ATOSA: variants seen among roughly 807,000 people sequenced by gnomAD.
ATOSA encodes the protein atos homolog protein A.
the ATOSA span, chr15:52,657,426 T>C: frequency 6.6e-6 from 1 of 152,260 alleles, no homozygotes. Context: ...TATTTGAAAC[T>C]ATTTCACATT....
the ATOSA span, chr15:52,651,915 C>T: frequency 1.3e-6 from 2 of 1,535,452 alleles, no homozygotes; most frequent in South Asian, 2.4e-5. Flanking sequence ...ATACTGGAAT[C>T]CTTGTATAAA....
chr15:52,613,586 CAATTAT>C, the ATOSA span: 1 of 1,348,380 alleles, frequency 7.4e-7, no homozygotes, highest in Non-Finnish European at 1.0e-6. Context: ...TGAAATATGA[CAATTAT>C]AACTGTAATA....
At chr15:52,694,278 T>G in the ATOSA span, among the ~76,000 whole-genome samples, 1 of 151,960 alleles carries the variant, frequency 6.6e-6, no homozygotes, top group African/African-American at 2.4e-5. Flanking sequence ...ATGATTCTCC[T>G]GCCTCAGCCT....
At chr15:52,679,542 C>T in the ATOSA span, among the ~76,000 whole-genome samples, 1 of 152,184 alleles carries the variant, frequency 6.6e-6, no homozygotes, top group Admixed American at 6.5e-5. Context: ...AGGTGCCCGG[C>T]GGGTGCGAGG....
At chr15:52,666,111 T>C in the ATOSA span, among the ~76,000 whole-genome samples, 1 of 152,212 alleles carries the variant, frequency 6.6e-6, no homozygotes, top group Non-Finnish European at 1.5e-5. Flanking sequence ...CCTTTTCTTT[T>C]AGCTTATCTA....
At chr15:52,611,146 G>C in the ATOSA span, 1 of 1,612,930 alleles carries the variant, frequency 6.2e-7, no homozygotes, top group Non-Finnish European at 8.5e-7. Context: ...AGAATATTTC[G>C]TGGAATAGCA....
the ATOSA span, among the ~76,000 whole-genome samples, chr15:52,665,690 G>A: frequency 2.0e-5 from 3 of 152,140 alleles, no homozygotes; most frequent in South Asian, 6.2e-4. Context: ...TTAAAGGAAT[G>A]TTCATTACAG....
chr15:52,659,233 C>A, the ATOSA span, among the ~76,000 whole-genome samples: 1 of 152,188 alleles, frequency 6.6e-6, no homozygotes, highest in South Asian at 2.1e-4. Context: ...TCTTGCTCAT[C>A]ACAGTACTTC....
chr15:52,676,535 T>C, the ATOSA span, among the ~76,000 whole-genome samples: 1 of 152,146 alleles, frequency 6.6e-6, no homozygotes, highest in South Asian at 2.1e-4. Context: ...AAGCCATGGG[T>C]CTAAAGGTTT....
At chr15:52,655,128 A>C in the ATOSA span, among the ~76,000 whole-genome samples, 1 of 152,138 alleles carries the variant, frequency 6.6e-6, no homozygotes, top group East Asian at 1.9e-4. Context: ...ATGTCTTCCT[A>C]AATCTAATAT....
At chr15:52,609,771 C>G in the ATOSA span, 1 of 1,613,620 alleles carries the variant, frequency 6.2e-7, no homozygotes, top group Non-Finnish European at 8.5e-7. Context: ...CACAATGAAT[C>G]AAATGTTGGG....
the ATOSA span, among the ~76,000 whole-genome samples, chr15:52,632,752 C>A: frequency 4.9e-4 from 75 of 152,052 alleles, no homozygotes; most frequent in African/African-American, 1.7e-3. Flanking sequence ...TACAAAGGAC[C>A]AGAATATAAA....
the ATOSA span, among the ~76,000 whole-genome samples, chr15:52,685,565 C>A: frequency 6.6e-6 from 1 of 152,052 alleles, no homozygotes; most frequent in East Asian, 1.9e-4. Flanking sequence ...TCCTGAGTAG[C>A]TGGGACTGAA....
chr15:52,643,227 C>T, the ATOSA span, among the ~76,000 whole-genome samples: 1 of 152,182 alleles, frequency 6.6e-6, no homozygotes, highest in East Asian at 1.9e-4. Context: ...ATGCTTTCTG[C>T]TTTTCCAATC....
the ATOSA span, among the ~76,000 whole-genome samples, chr15:52,595,417 A>T: frequency 2.6e-4 from 40 of 152,328 alleles, 1 homozygote; most frequent in South Asian, 7.5e-3. Context: ...AGAGGTACAT[A>T]CAAAAATGTT....
chr15:52,692,829 T>TA, the ATOSA span, among the ~76,000 whole-genome samples: 1 of 151,314 alleles, frequency 6.6e-6, no homozygotes, highest in Non-Finnish European at 1.5e-5. Context: ...AGGGCCTTTT[T>TA]TTTTTGAGAT....
At chr15:52,659,519 C>T in the ATOSA span, among the ~76,000 whole-genome samples, 1 of 152,072 alleles carries the variant, frequency 6.6e-6, no homozygotes, top group Admixed American at 6.6e-5. Context: ...AAAACAAAAT[C>T]CAAGTGTTTT....
At chr15:52,643,292 G>C in the ATOSA span, among the ~76,000 whole-genome samples, 1 of 152,058 alleles carries the variant, frequency 6.6e-6, no homozygotes, top group Non-Finnish European at 1.5e-5. Context: ...AAAAACACTT[G>C]AACTTTTTAA....
chr15:52,668,998 C>T, the ATOSA span, among the ~76,000 whole-genome samples: 18 of 151,866 alleles, frequency 1.2e-4, no homozygotes, highest in African/African-American at 4.1e-4. Flanking sequence ...CTCCGCCTCC[C>T]CGGTTCACGC....
Sources: gnomAD v4.1 joint callset for allele counts (sites outside exome capture counted in the v4.1 genomes callset) on GRCh38, gnomAD v4.1.1 for gene constraint, MANE v1.5 for transcripts, NCBI Gene and HGNC (gene_info 2026-07-23, HGNC 2026-07-21) for gene names.